The following ARHGAP29 variants were observed in gnomAD, a reference collection of about 807,000 sequenced individuals.
ARHGAP29 encodes the protein Rho GTPase activating protein 29, also known as rho GTPase-activating protein 29.
In ARHGAP29, 43 loss-of-function variants were observed where a neutral mutation model predicts 122.6. The observed-to-expected ratio is 0.35, with a 90% CI of 0.27 to 0.45. ARHGAP29 has a LOEUF of 0.45. ARHGAP29 is among the 20% of genes least tolerant of loss of function. ARHGAP29 has a pLI of 1.00. For missense variants in ARHGAP29, 1,303 were observed against 1,477.2 expected (o/e 0.88, Z 1.93); for synonymous variants, 506 against 497.1 (o/e 1.02, Z -0.24).
At chr1:94,211,990 TC>T (rs1359011078) in intron 3 of ARHGAP29, among the ~76,000 whole-genome samples, 1 of 151,750 alleles carries the variant, frequency 6.6e-6, no homozygotes, top group African/African-American at 2.4e-5. Flanking sequence ...AACCCAGGTG[TC>T]AAAGAAGAAA....
Position 94,169,710 on chromosome 1 carries a change from A to G in ARHGAP29, c.*4159T>C, listed in dbSNP as rs557837012. Among the ~76,000 whole-genome samples, 25 of 152,290 alleles carry G rather than the reference A, an allele frequency of 1.6e-4. No homozygotes were observed. The highest frequency in any genetic ancestry group is 3.1e-4 in the Non-Finnish European group (21 of 68,020). On this transcript the variant is annotated 3_prime_UTR_variant, in exon 23 of 23. Coordinates refer to ENST00000260526, the MANE Select transcript of ARHGAP29 (RefSeq NM_004815.4). ...TCTTCATTTCCATATACCATTTCCCATTTAAAGAAACCAGGGCTCCTTGGA... is the reference window on the plus strand; with the variant it reads ...TCTTCATTTCCATATACCATTTCCCGTTTAAAGAAACCAGGGCTCCTTGGA...
intron 1 of ARHGAP29, among the ~76,000 whole-genome samples, chr1:94,267,415 G>A (rs1231521949): frequency 6.6e-6 from 1 of 152,128 alleles, no homozygotes; most frequent in Non-Finnish European, 1.5e-5. Context: ...TAATGTGACT[G>A]TCAAATCCTA....
upstream of ARHGAP29, among the ~76,000 whole-genome samples, chr1:94,275,957 TAAAAAAA>T (rs60193789): frequency 1.6e-3 from 242 of 148,568 alleles, 1 homozygote; most frequent in Non-Finnish European, 2.2e-3. Context: ...TTTTCAACCT[TAAAAAAA>T]AAAAGTTTTG....
rs564803228 is a variant in ARHGAP29 at position 94,177,559 on chromosome 1, A to G, written c.2905+53T>C. On this transcript the variant is annotated intron_variant, in intron 22 of 22. Transcript: ENST00000260526. Reference sequence around the variant, plus strand: ...TCACCTTGGTTTTAATCACGGTTCTACTGGTAAAATTTTAAGCCAGCAAAC... The same window carrying G: ...TCACCTTGGTTTTAATCACGGTTCTGCTGGTAAAATTTTAAGCCAGCAAAC... The G allele has an allele frequency of 4.3e-6, 6 of 1,408,730 alleles. No homozygotes were observed. The African/African-American group carries it at 7.2e-5, about 17-fold the overall frequency. 87.3% of individuals were successfully genotyped at this position (1,408,730 alleles called of 1,614,324 possible). A position where few individuals can be genotyped will look rare whatever the true frequency, so the allele number is the denominator to read the frequency against.
At chr1:94,303,188 C>T in the ARHGAP29 span, among the ~76,000 whole-genome samples, 159 of 152,138 alleles carry the variant, frequency 1.0e-3, 1 homozygote, top group Admixed American at 2.6e-3. Context: ...GGGAGCCTGA[C>T]CTTGTCAGAT....
At chr1:94,228,979 C>A (rs1652775501) in intron 2 of ARHGAP29, among the ~76,000 whole-genome samples, 1 of 151,758 alleles carries the variant, frequency 6.6e-6, no homozygotes, top group African/African-American at 2.4e-5. Context: ...TTTAGCTTAA[C>A]AAACGTGAAT....
intron 1 of ARHGAP29, among the ~76,000 whole-genome samples, chr1:94,251,570 A>G (rs1186840057): frequency 1.3e-5 from 2 of 152,190 alleles, no homozygotes; most frequent in African/African-American, 4.8e-5. Context: ...AAAAGATATT[A>G]GGAAATGACT....
rs370165174 is a variant in ARHGAP29 at position 94,173,868 on chromosome 1, C to G, written c.*1G>C. ...CAAAAAAACCCTGAAATTTGACATC[C>G]CTACACAAATTGTGGAATTTCACCT... On this transcript the variant is annotated 3_prime_UTR_variant, in exon 23 of 23. Coordinates refer to ENST00000260526, the MANE Select transcript of ARHGAP29 (RefSeq NM_004815.4). 28 of 1,594,954 alleles carry G rather than the reference C, an allele frequency of 1.8e-5. No individual in the cohort carries two copies. The highest frequency in any genetic ancestry group is 2.2e-5 in the East Asian group (1 of 44,466).
chr1:94,248,071 T>C (rs1653898514), intron 1 of ARHGAP29: 1 of 152,384 alleles, frequency 6.6e-6, no homozygotes, highest in South Asian at 2.1e-4. Context: ...CAGTCAAGAC[T>C]CAGGTGTTCA....
Position 94,185,502 on chromosome 1 carries a change from C to T in ARHGAP29, c.1781-21G>A, listed in dbSNP as rs1461091290. On this transcript the variant is annotated intron_variant, in intron 16 of 22. Coordinates refer to ENST00000260526, the MANE Select transcript of ARHGAP29 (RefSeq NM_004815.4). ...GGGTCCTTGCAAGAGAAATAATTTA[C>T]AAAAATTGTAAAATGATAGAAAAAT... The T allele has an allele frequency of 3.8e-6, 6 of 1,572,110 alleles. No individual in the cohort carries two copies. The African/African-American group carries it at 4.1e-5, about 11-fold the overall frequency.
At chr1:94,237,278 C>G (rs1487725692) in intron 1 of ARHGAP29, 137 bp downstream of exon 1, 1 of 561,302 alleles carries the variant, frequency 1.8e-6, no homozygotes, top group Non-Finnish European at 2.3e-6. Flanking sequence ...CTAGCGCAGC[C>G]TGCCACCGCT....
In ARHGAP29 at chr1:94,178,009, G is replaced by A. The variant is rs763522442; in HGVS notation, c.2639C>T (p.Thr880Ile). 1 of 1,614,164 alleles carries A rather than the reference G, an allele frequency of 6.2e-7. No individual in the cohort carries two copies. Among genetic ancestry groups the A allele is most frequent in the South Asian group, 1.1e-5 (1 of 91,080 alleles). Residue 880 changes from threonine to isoleucine, a missense_variant, in exon 21 of 23, where the codon ACT becomes ATT. Thr to Ile is a moderately conservative substitution (Grantham distance 89). This residue lies in a region of ARHGAP29 where 620 missense variants were observed against 651.2 expected (regional missense o/e 0.95). Coordinates refer to ENST00000260526, the MANE Select transcript of ARHGAP29 (RefSeq NM_004815.4). The part of the protein sequence containing the change: ...NQARLVEFLI[T>I]YSQKIFDGSL... ...CCCATCGAAGATCTTCTGTGAGTAAGTAATGAGAAACTCTACCAAGCGTGC... is the reference window on the plus strand; with the variant it reads ...CCCATCGAAGATCTTCTGTGAGTAAATAATGAGAAACTCTACCAAGCGTGC...
chr1:94,220,124 T>C (rs1652202799), intron 3 of ARHGAP29, 134 bp downstream of exon 3: 5 of 980,584 alleles, frequency 5.1e-6, no homozygotes, highest in Non-Finnish European at 7.5e-6. Flanking sequence ...AATATCAAAG[T>C]ATATATAACT....
At chr1:94,314,353 C>T in the ARHGAP29 span, among the ~76,000 whole-genome samples, 5 of 152,138 alleles carry the variant, frequency 3.3e-5, no homozygotes, top group Non-Finnish European at 4.4e-5. Flanking sequence ...ACCATCTGGG[C>T]GGGCATCAGG....
At chr1:94,280,759 G>A in the ARHGAP29 span, among the ~76,000 whole-genome samples, 3 of 152,342 alleles carry the variant, frequency 2.0e-5, no homozygotes, top group South Asian at 4.1e-4. Flanking sequence ...GTAATAGCTG[G>A]CTGTGGTCAG....
intron 1 of ARHGAP29, among the ~76,000 whole-genome samples, chr1:94,255,718 C>T (rs978576067): frequency 1.3e-5 from 2 of 152,198 alleles, no homozygotes; most frequent in Non-Finnish European, 2.9e-5. Context: ...GTTTACAAGC[C>T]TGGTGTTCTG....
At chr1:94,217,367 C>T (rs960269729) in intron 3 of ARHGAP29, among the ~76,000 whole-genome samples, 12 of 151,974 alleles carry the variant, frequency 7.9e-5, no homozygotes, top group African/African-American at 2.9e-4. Flanking sequence ...AATCTCATCT[C>T]TACTAAAAAT....
chr1:94,307,901 A>C, the ARHGAP29 span, among the ~76,000 whole-genome samples: 2 of 152,338 alleles, frequency 1.3e-5, no homozygotes, highest in East Asian at 3.9e-4. Flanking sequence ...TAACCCAAGA[A>C]AAAGCAAAAC....
intron 12 of ARHGAP29, among the ~76,000 whole-genome samples, chr1:94,200,028 AAATTTTAGTAGAAATCACAGG>A (rs1301751224): frequency 2.0e-5 from 3 of 152,202 alleles, no homozygotes; most frequent in African/African-American, 7.2e-5. Context: ...AAAACTATTG[AAATTTTAGTAGAAATCACAGG>A]ATGAATCTTT....
Sources: gnomAD v4.1 joint callset for allele counts (sites outside exome capture counted in the v4.1 genomes callset) on GRCh38, gnomAD v4.1.1 for gene constraint, gnomAD v4.1.1 regional missense constraint, MANE v1.5 for transcripts, NCBI Gene and HGNC (gene_info 2026-07-23, HGNC 2026-07-21) for gene names.